SOX6: variants seen among roughly 807,000 people sequenced by gnomAD.
The protein encoded by SOX6 is transcription factor SOX-6.
Under a neutral mutation model 97.8 loss-of-function variants are expected in SOX6, and 11 were observed. That is an observed-to-expected ratio of 0.11 (90% CI 0.07 to 0.19). SOX6 has a LOEUF of 0.19. SOX6 is among the 10% of genes least tolerant of loss of function. The pLI is 1.00. For synonymous variants in SOX6, 360 were observed against 371.4 expected (o/e 0.97, Z 0.35); for missense variants, 810 against 1,039.5 (o/e 0.78, Z 3.04).
intron 3 of SOX6, among the ~76,000 whole-genome samples, chr11:16,640,058 G>T (rs1472239499): frequency 3.9e-5 from 6 of 152,122 alleles, no homozygotes; most frequent in Admixed American, 3.9e-4. Flanking sequence ...GTCATAAATA[G>T]CTCTTATTAT....
chr11:16,569,602 T>C lies in SOX6; in HGVS notation n.609+42479A>G, dbSNP rs577785155. Among the ~76,000 whole-genome samples the C allele has an allele frequency of 3.3e-5, 5 of 152,198 alleles. No homozygotes were observed. The South Asian group carries it at 1.0e-3, about 32-fold the overall frequency. ...TAAGTGATACATTTTGTTTCTTGGA[T>C]ATAGCAATGTACCACCTTGCATAAA... On this transcript the variant is annotated intron_variant and non_coding_transcript_variant, in intron 4 of 5. Coordinates refer to the SOX6 transcript ENST00000524520.
chr11:16,232,517 T>A (rs1565035917), intron 4 of SOX6, among the ~76,000 whole-genome samples: 3 of 152,060 alleles, frequency 2.0e-5, no homozygotes, highest in African/African-American at 7.2e-5. Flanking sequence ...CTTTTGTGAT[T>A]TATACATTCC....
chr11:16,594,683 G>GTTTTTTTTTTTT (rs1565188995), intron 4 of SOX6, among the ~76,000 whole-genome samples: 3 of 47,822 alleles, frequency 6.3e-5, no homozygotes, highest in African/African-American at 2.4e-4. Context: ...TTCGGTTTTT[G>GTTTTTTTTTTTT]CTTTTTTTTT....
At chr11:16,312,295 T>C (rs1407971782) in intron 3 of SOX6, 1 of 152,174 alleles carries the variant, frequency 6.6e-6, no homozygotes, top group Admixed American at 6.6e-5. Context: ...AAGAATAAGT[T>C]TTTAAAAAGA....
chr11:16,461,544 T>C (rs530263488), intron 1 of SOX6, among the ~76,000 whole-genome samples: 27 of 152,296 alleles, frequency 1.8e-4, no homozygotes, highest in African/African-American at 4.8e-4. Context: ...TCCCATACTA[T>C]GTGCTTCCAT....
intron 3 of SOX6, among the ~76,000 whole-genome samples, chr11:16,301,378 T>C (rs1422203078): frequency 6.6e-6 from 1 of 152,178 alleles, no homozygotes; most frequent in East Asian, 1.9e-4. Context: ...GACTATATAT[T>C]ACAGAACAAT....
At chr11:16,369,001 A>G (rs1857433125) in intron 1 of SOX6, among the ~76,000 whole-genome samples, 1 of 152,112 alleles carries the variant, frequency 6.6e-6, no homozygotes, top group Non-Finnish European at 1.5e-5. Flanking sequence ...TGAGGGAGGT[A>G]GAGGTGGGAG....
At chr11:16,451,871 A>G (rs1291873558) in intron 1 of SOX6, among the ~76,000 whole-genome samples, 2 of 151,966 alleles carry the variant, frequency 1.3e-5, no homozygotes, top group Non-Finnish European at 2.9e-5. Flanking sequence ...CACCTCAAAA[A>G]AAAATTTTTT....
At chr11:16,212,873 T>C (rs2134144666) in intron 4 of SOX6, among the ~76,000 whole-genome samples, 1 of 152,326 alleles carries the variant, frequency 6.6e-6, no homozygotes, top group South Asian at 2.1e-4. Flanking sequence ...AAGCTATGTC[T>C]ATCACATGGA....
chr11:16,554,127 T>G (rs1452281878), intron 4 of SOX6, among the ~76,000 whole-genome samples: 2 of 152,128 alleles, frequency 1.3e-5, no homozygotes, highest in Non-Finnish European at 2.9e-5. Flanking sequence ...AAATACTGTA[T>G]GCAACTTGAG....
At chr11:16,172,989 C>CT (rs1168878697) in intron 6 of SOX6, among the ~76,000 whole-genome samples, 3 of 151,658 alleles carry the variant, frequency 2.0e-5, no homozygotes, top group Non-Finnish European at 2.9e-5. Flanking sequence ...ATCTCCATGC[C>CT]TTTTTTTTCC....
At chr11:16,478,943 G>A (rs766066914), upstream of SOX6, among the ~76,000 whole-genome samples, 5 of 152,124 alleles carry the variant, frequency 3.3e-5, no homozygotes, top group Non-Finnish European at 5.9e-5. Context: ...TCCTCAGAAC[G>A]CCTAATCACC....
intron 4 of SOX6, among the ~76,000 whole-genome samples, chr11:16,609,681 T>G (rs1460002463): frequency 6.6e-6 from 1 of 152,184 alleles, no homozygotes. Flanking sequence ...CTTTTTAAAA[T>G]ATACTCCATG....
At chr11:16,586,520 G>A (rs542646286) in intron 4 of SOX6, among the ~76,000 whole-genome samples, 4 of 152,168 alleles carry the variant, frequency 2.6e-5, no homozygotes, top group Admixed American at 2.6e-4. Context: ...GATAGCCTGG[G>A]CAAGACAGTG....
chr11:16,480,151 T>A (rs1199044204), upstream of SOX6, among the ~76,000 whole-genome samples: 1 of 152,182 alleles, frequency 6.6e-6, no homozygotes, highest in Non-Finnish European at 1.5e-5. Context: ...TATATGCATG[T>A]ATAAGTTTCA....
intron 1 of SOX6, among the ~76,000 whole-genome samples, chr11:16,401,417 T>C (rs1442736211): frequency 6.6e-6 from 1 of 151,522 alleles, no homozygotes; most frequent in Non-Finnish European, 1.5e-5. Context: ...CTACCACGAC[T>C]ACCAGGTGTT....
At chr11:16,507,891 C>T (rs976246854) in intron 4 of SOX6, among the ~76,000 whole-genome samples, 3 of 152,028 alleles carry the variant, frequency 2.0e-5, no homozygotes, top group Non-Finnish European at 4.4e-5. Flanking sequence ...AGTGACTATA[C>T]TACACCAAAA....
intron 6 of SOX6, among the ~76,000 whole-genome samples, chr11:16,149,314 G>C (rs1170102719): frequency 6.6e-6 from 1 of 151,892 alleles, no homozygotes; most frequent in Non-Finnish European, 1.5e-5. Context: ...CCTACTGTAG[G>C]CTCTACAGTA....
intron 3 of SOX6, among the ~76,000 whole-genome samples, chr11:16,688,847 T>C (rs960875910): frequency 6.6e-6 from 1 of 152,186 alleles, no homozygotes; most frequent in Admixed American, 6.6e-5. Context: ...TGTTGGATGT[T>C]TTTGTATTCC....
Sources: allele counts gnomAD v4.1 joint callset (sites outside exome capture counted in the v4.1 genomes callset), GRCh38; gene constraint gnomAD v4.1.1; transcripts MANE v1.5; gene names NCBI Gene and HGNC (gene_info 2026-07-23, HGNC 2026-07-21).